TRAPPC12: variants seen among roughly 807,000 people sequenced by gnomAD.
The protein encoded by TRAPPC12 is trafficking protein particle complex subunit 12.
Under a neutral mutation model 69.2 loss-of-function variants are expected in TRAPPC12, and 61 were observed. The ratio of observed to expected loss-of-function variants is 0.88; its 90% confidence interval spans 0.72 to 1.09. The LOEUF (loss-of-function observed/expected upper bound fraction) is 1.09. Among genes scored for constraint, TRAPPC12 ranks in the 50% least tolerant of loss-of-function variants. TRAPPC12 has a pLI of 0.00. For missense variants in TRAPPC12, 1,101 were observed against 1,016.4 expected, an observed-to-expected ratio of 1.08 and a Z score of -1.13; for synonymous variants, 469 against 438.9, an observed-to-expected ratio of 1.07 and a Z score of -0.86.
chr2:3,421,613 G>T, intron 3 of TRAPPC12: 2 of 674,640 alleles, frequency 3.0e-6, no homozygotes, highest in South Asian at 3.0e-5. Flanking sequence ...ATGTTCTATC[G>T]GTTGTTGAAT....
intron 9 of TRAPPC12, among the ~76,000 whole-genome samples, chr2:3,466,783 C>A (rs781108772): frequency 6.6e-6 from 1 of 152,168 alleles, no homozygotes; most frequent in Non-Finnish European, 1.5e-5. Flanking sequence ...AGATGCGTGA[C>A]GCGTGAGCTG....
intron 9 of TRAPPC12, chr2:3,466,269 G>T (rs1665805966): frequency 2.1e-6 from 1 of 471,106 alleles, no homozygotes; most frequent in Non-Finnish European, 4.4e-6. Flanking sequence ...GCACAGGGCA[G>T]CTTCTGCCCC....
chr2:3,417,742 A>G (rs142862616), intron 3 of TRAPPC12, among the ~76,000 whole-genome samples: 18 of 152,236 alleles, frequency 1.2e-4, no homozygotes, highest in African/African-American at 4.3e-4. Flanking sequence ...TAAGTTTCTC[A>G]TTTTTAAAAA....
chr2:3,427,619 G>A (rs1351070632), intron 5 of TRAPPC12, among the ~76,000 whole-genome samples: 1 of 152,194 alleles, frequency 6.6e-6, no homozygotes, highest in Non-Finnish European at 1.5e-5. Context: ...TGGGTACAGT[G>A]GCTAATGCCT....
intron 5 of TRAPPC12, among the ~76,000 whole-genome samples, chr2:3,437,901 C>CA (rs1457810452): frequency 8.8e-5 from 1 of 11,410 alleles, no homozygotes; most frequent in Non-Finnish European, 1.8e-4. Flanking sequence ...ATTAATACCC[C>CA]ATCACCCCTG....
At chr2:3,424,204 A>G (rs1662970540) in intron 4 of TRAPPC12, among the ~76,000 whole-genome samples, 1 of 152,142 alleles carries the variant, frequency 6.6e-6, no homozygotes, top group Non-Finnish European at 1.5e-5. Flanking sequence ...AATCATTCAC[A>G]TTGTTATTAA....
intron 9 of TRAPPC12, chr2:3,465,930 C>T (rs1004364507): frequency 7.0e-6 from 4 of 571,142 alleles, no homozygotes; most frequent in South Asian, 2.1e-5. Context: ...AAAGTGTCAT[C>T]ACAGCCACAC....
chr2:3,425,133 C>T (rs956887189), intron 5 of TRAPPC12, among the ~76,000 whole-genome samples: 2 of 152,230 alleles, frequency 1.3e-5, no homozygotes, highest in Non-Finnish European at 2.9e-5. Context: ...GTCACGGTCA[C>T]GACCATTGTT....
At position 3,388,291 on chromosome 2, in the gene TRAPPC12, T is replaced by A. The variant is rs1660610439; in HGVS notation, c.668T>A (p.Phe223Tyr). The change falls in exon 2 of 12, where the codon TTC becomes TAC. Residue 223 changes from phenylalanine to tyrosine, a missense_variant. Coordinates refer to ENST00000324266, the MANE Select transcript of TRAPPC12 (RefSeq NM_016030.6). ...TAASHSLASD[F>Y]FDSFTTSAFI... Reference sequence around the variant, plus strand: ...GCCAGCCACTCCTTGGCCTCGGACTTCTTCGACTCCTTTACTACCTCCGCC... The same window carrying A: ...GCCAGCCACTCCTTGGCCTCGGACTACTTCGACTCCTTTACTACCTCCGCC... The A allele has an allele frequency of 2.5e-6, 4 of 1,607,730 alleles. No homozygotes were observed. Among genetic ancestry groups the A allele is most frequent in the Non-Finnish European group, 3.4e-6 (4 of 1,177,028 alleles).
In TRAPPC12 at chr2:3,468,674, C is replaced by T. The variant is rs1219942251; in HGVS notation, c.1776+2979C>T. 2.0e-5 allele frequency among the ~76,000 whole-genome samples: 3 copies of T among 152,190 alleles called. No individual in the cohort carries two copies. In the East Asian group the frequency reaches 5.8e-4, roughly 30 times the overall value. ...AGAATTGCCCTTGGAAGCCCCACTCCCACGGCGGGGCAGCCACCCCATAGA... is the reference window on the plus strand; with the variant it reads ...AGAATTGCCCTTGGAAGCCCCACTCTCACGGCGGGGCAGCCACCCCATAGA... On this transcript the variant is annotated intron_variant, in intron 9 of 11. Transcript: ENST00000324266.
At chr2:3,393,113 TA>T (rs11433361) in intron 2 of TRAPPC12, among the ~76,000 whole-genome samples, 7 of 150,288 alleles carry the variant, frequency 4.7e-5, no homozygotes, top group South Asian at 2.1e-4. Flanking sequence ...TGTCTCTTTT[TA>T]AAAAAAAAAA....
chr2:3,411,886 T>C (rs1246736079), intron 3 of TRAPPC12, among the ~76,000 whole-genome samples: 1 of 152,254 alleles, frequency 6.6e-6, no homozygotes, highest in Non-Finnish European at 1.5e-5. Context: ...AGCACCTGAG[T>C]GCACTGGCTG....
At chr2:3,447,457 A>G (rs1664572573) in intron 6 of TRAPPC12, among the ~76,000 whole-genome samples, 1 of 152,176 alleles carries the variant, frequency 6.6e-6, no homozygotes. Context: ...ATGGTGAGAA[A>G]GACAGCGAGA....
At chr2:3,425,646 A>G (rs1330306990) in intron 5 of TRAPPC12, among the ~76,000 whole-genome samples, 5 of 152,158 alleles carry the variant, frequency 3.3e-5, no homozygotes, top group Admixed American at 1.3e-4. Context: ...AAAGTCTCGC[A>G]CTGCCGCATT....
At chr2:3,435,335 G>T (rs1370869092) in intron 5 of TRAPPC12, among the ~76,000 whole-genome samples, 1 of 152,014 alleles carries the variant, frequency 6.6e-6, no homozygotes, top group Non-Finnish European at 1.5e-5. Context: ...AACTGTTACT[G>T]GGGGGGCAGG....
intron 3 of TRAPPC12, among the ~76,000 whole-genome samples, chr2:3,419,308 C>T (rs985717306): frequency 1.3e-5 from 2 of 152,218 alleles, no homozygotes; most frequent in African/African-American, 4.8e-5. Context: ...ATCTCTTTCC[C>T]TCTCACTCTT....
rs765795459 is a variant in TRAPPC12, at chr2:3,465,659, C to T, written c.1740C>T (p.Pro580=). 1 of 1,614,194 alleles carries T rather than the reference C, an allele frequency of 6.2e-7. No individual in the cohort carries two copies. The highest frequency in any genetic ancestry group is 8.5e-7 in the Non-Finnish European group (1 of 1,180,026). The change falls in exon 9 of 12, where the codon CCC becomes CCT. Residue 580 remains proline, a synonymous_variant. Transcript: ENST00000324266. ...TCAAGTATTACCCAGAGCAAGAGCC[C>T]CAGCTGCTCAGCGGCATCGGCCGGA... ...SVIKYYPEQE[P]QLLSGIGRIS... is the part of the protein sequence containing the mutation.
rs576281985 is a variant in TRAPPC12 at position 3,393,259 on chromosome 2, A to G, written c.1047+4589A>G. On this transcript the variant is annotated intron_variant, in intron 2 of 11. Coordinates refer to ENST00000324266, the MANE Select transcript of TRAPPC12 (RefSeq NM_016030.6). ...TTAAGTGAAATAAGCCAGACACAAA[A>G]TGATGAATACCACGTGATCTCATTT... 2.0e-5 allele frequency among the ~76,000 whole-genome samples: 3 copies of G among 150,700 alleles called. No individual in the cohort carries two copies. The South Asian group carries it at 6.4e-4, about 32-fold the overall frequency.
chr2:3,401,606 A>G (rs1661448175), intron 2 of TRAPPC12, among the ~76,000 whole-genome samples, 171 bp from the exon 3 acceptor site: 1 of 152,264 alleles, frequency 6.6e-6, no homozygotes, highest in African/African-American at 2.4e-5. Context: ...TTTATTAACG[A>G]TTGTGCTAAT....
Sources: allele counts gnomAD v4.1 joint callset (sites outside exome capture counted in the v4.1 genomes callset), GRCh38; gene constraint gnomAD v4.1.1; transcripts MANE v1.5; gene names NCBI Gene and HGNC (gene_info 2026-07-23, HGNC 2026-07-21).